IMPG2: variants seen among roughly 807,000 people sequenced by gnomAD.
The protein encoded by IMPG2 is IPM 200.
A neutral mutation model predicts 129.2 loss-of-function variants in IMPG2; 91 were observed. The observed-to-expected ratio is 0.70, with a 90% confidence interval of 0.59 to 0.84. IMPG2 has a LOEUF of 0.84. Among genes scored for constraint, IMPG2 ranks in the 40% least tolerant of loss-of-function variants. The pLI, the probability that IMPG2 is intolerant of heterozygous loss-of-function variation, is 0.00. For synonymous variants in IMPG2, 510 were observed against 517.7 expected (o/e 0.99, Z 0.20); for missense variants, 1,430 against 1,461.7 (o/e 0.98, Z 0.35).
At chr3:101,302,871 G>A (rs1400433269) in intron 3 of IMPG2, among the ~76,000 whole-genome samples, 3 of 152,110 alleles carry the variant, frequency 2.0e-5, no homozygotes, top group East Asian at 1.9e-4. Flanking sequence ...TTATACCCTC[G>A]CAAAATTTGT....
At position 101,228,796 on chromosome 3, in the gene IMPG2, C is replaced by A; in HGVS notation, c.3713+1G>T. 6.2e-7 allele frequency: 1 copy of A among 1,613,084 alleles called. No homozygotes were observed. The highest frequency in any genetic ancestry group is 8.5e-7 in the Non-Finnish European group (1 of 1,179,134). ...GGTGGGGGGCTGTTTCAAAAGCTTA[C>A]ACTTGTTGCTCTCTCACAAAAGCTG... On this transcript the variant is annotated splice_donor_variant, in intron 18 of 18. Transcript: ENST00000193391. LOFTEE classifies it high-confidence loss of function.
chr3:101,290,923 G>A lies in IMPG2; in HGVS notation c.533+556C>T, dbSNP rs554056854. 4.6e-5 allele frequency among the ~76,000 whole-genome samples: 7 copies of A among 152,152 alleles called. 1 individual carries two copies. In the South Asian group the frequency reaches 1.5e-3, roughly 32 times the overall value. Reference sequence around the variant, plus strand: ...GATGCTCCGAGGATGAATAGAATTGGAAAGCTTTAGCCCCTGTAGGCTCAA... The same window carrying A: ...GATGCTCCGAGGATGAATAGAATTGAAAAGCTTTAGCCCCTGTAGGCTCAA... On this transcript the variant is annotated intron_variant, in intron 4 of 18. Transcript: ENST00000193391.
Position 101,320,485 on chromosome 3 carries a change from A to T in IMPG2, c.-113T>A. 1.4e-6 allele frequency: 1 copy of T among 703,920 alleles called. No homozygotes were observed. Among genetic ancestry groups the T allele is most frequent in the Non-Finnish European group, 2.5e-6 (1 of 392,192 alleles). 43.6% of individuals were successfully genotyped at this position (703,920 alleles called of 1,614,324 possible). A position where few individuals can be genotyped will look rare whatever the true frequency, so the allele number is the denominator to read the frequency against. On this transcript the variant is annotated 5_prime_UTR_variant, in exon 1 of 19. Transcript: ENST00000193391. ...GGAAAGACCTAACATTTAAAAGTCT[A>T]TGTTTGAGAATGAACAACCACTTCA...
intron 2 of IMPG2, among the ~76,000 whole-genome samples, chr3:101,314,093 C>G (rs1164461748): frequency 6.6e-6 from 1 of 152,038 alleles, no homozygotes; most frequent in Non-Finnish European, 1.5e-5. Flanking sequence ...ATAACATTGT[C>G]ATTTATTTGG....
chr3:101,270,305 T>A (rs901810749), intron 7 of IMPG2, among the ~76,000 whole-genome samples: 2 of 152,090 alleles, frequency 1.3e-5, no homozygotes, highest in African/African-American at 2.4e-5. Context: ...TTGTTTTCTG[T>A]AAGTGTGAAA....
At chr3:101,275,185 T>C (rs1706827821) in intron 6 of IMPG2, among the ~76,000 whole-genome samples, 1 of 152,204 alleles carries the variant, frequency 6.6e-6, no homozygotes, top group Non-Finnish European at 1.5e-5. Context: ...AACCTGTATG[T>C]ATCTTTTGTG....
chr3:101,268,291 T>G (rs1450001446), intron 8 of IMPG2, among the ~76,000 whole-genome samples: 1 of 152,198 alleles, frequency 6.6e-6, no homozygotes, highest in Admixed American at 6.5e-5. Context: ...CTCCAAAGAC[T>G]GTGTTGCCCT....
At chr3:101,259,895 T>A (rs1317914419) in intron 9 of IMPG2, among the ~76,000 whole-genome samples, 2 of 152,078 alleles carry the variant, frequency 1.3e-5, no homozygotes, top group African/African-American at 4.8e-5. Flanking sequence ...CCCTACAGAT[T>A]TTCTTATGAG....
chr3:101,298,188 A>C (rs559771924), intron 3 of IMPG2, among the ~76,000 whole-genome samples: 2 of 151,870 alleles, frequency 1.3e-5, no homozygotes, highest in East Asian at 3.9e-4. Context: ...TTGTTGGTTT[A>C]AAGTCTGTTT....
chr3:101,315,517 TA>T lies in IMPG2; in HGVS notation c.334+4066del, dbSNP rs202244657. Reference sequence around the variant, plus strand: ...GCACAAAATTATCAAAAATATGGTATAAAATTACTTCAGATAAGTGTATAAG... The same window carrying T: ...GCACAAAATTATCAAAAATATGGTATAAATTACTTCAGATAAGTGTATAAG... On this transcript the variant is annotated intron_variant, in intron 2 of 18. Transcript: ENST00000193391. Among the ~76,000 whole-genome samples, 1,489 of 152,256 alleles carry T rather than the reference TA, an allele frequency of 9.8e-3. 27 individuals are homozygous for T. Among genetic ancestry groups the T allele is most frequent in the African/African-American group, 0.034 (1,408 of 41,556 alleles).
Position 101,320,296 on chromosome 3 carries a change from G to A in IMPG2, c.77C>T (p.Ser26Leu), listed in dbSNP as rs760366534. The A allele has an allele frequency of 6.5e-7, 1 of 1,549,854 alleles. No individual in the cohort carries two copies. The highest frequency in any genetic ancestry group is 8.9e-7 in the Non-Finnish European group (1 of 1,122,428). Reference protein sequence around the residue: ...IFVLIEGDFPSLTAQTYLSIE... With the variant: ...IFVLIEGDFPLLTAQTYLSIE... ...TGTAGATTTTTAAATACCTGTTAAT[G>A]ATGGAAAGTCTCCTTCTATCAGGAC... Residue 26 changes from serine (S) to leucine (L), a missense_variant, in exon 1 of 19, where the codon TCA becomes TTA. Transcript: ENST00000193391.
At chr3:101,296,888 C>T (rs947537241) in intron 3 of IMPG2, among the ~76,000 whole-genome samples, 1 of 152,134 alleles carries the variant, frequency 6.6e-6, no homozygotes, top group Non-Finnish European at 1.5e-5. Context: ...ACAGTATTCT[C>T]TGACGGCAGT....
intron 4 of IMPG2, among the ~76,000 whole-genome samples, chr3:101,280,650 A>AAT (rs1406939820): frequency 1.3e-5 from 2 of 151,836 alleles, no homozygotes; most frequent in Middle Eastern, 3.2e-3. Flanking sequence ...ATTTGCTGAA[A>AAT]ATATATATAT....
At chr3:101,241,272 G>C (rs1226830786) in intron 14 of IMPG2, among the ~76,000 whole-genome samples, 1 of 152,198 alleles carries the variant, frequency 6.6e-6, no homozygotes, top group African/African-American at 2.4e-5. Context: ...TAGACTACAG[G>C]TGAGTCAATG....
chr3:101,256,145 A>AAAGAAAT (rs1553682271), intron 10 of IMPG2, among the ~76,000 whole-genome samples: 1 of 77,538 alleles, frequency 1.3e-5, no homozygotes, highest in Admixed American at 1.5e-4. Flanking sequence ...AGAAAGAAAG[A>AAAGAAAT]AAAGAAAGAA....
chr3:101,257,516 A>T lies in IMPG2; in HGVS notation c.1153+13T>A, dbSNP rs1190562170. ...AAACTATACAAGGACTTCATGATGGATATCAAACTCACCATTGATAAGCTG... is the reference window on the plus strand; with the variant it reads ...AAACTATACAAGGACTTCATGATGGTTATCAAACTCACCATTGATAAGCTG... On this transcript the variant is annotated intron_variant, in intron 10 of 18. Transcript: ENST00000193391. The T allele has an allele frequency of 6.2e-7, 1 of 1,613,030 alleles. No individual in the cohort carries two copies. Among genetic ancestry groups the T allele is most frequent in the Non-Finnish European group, 8.5e-7 (1 of 1,179,278 alleles).
intron 9 of IMPG2, 82 bp from the exon 10 acceptor site, chr3:101,257,855 T>A: frequency 6.7e-7 from 1 of 1,494,814 alleles, no homozygotes; most frequent in South Asian, 1.1e-5. Context: ...AGAACAAACA[T>A]TGGACCTAGA....
chr3:101,264,785 T>C (rs531755587), intron 9 of IMPG2, among the ~76,000 whole-genome samples: 2 of 152,128 alleles, frequency 1.3e-5, no homozygotes, highest in Admixed American at 6.6e-5. Context: ...CATGTGATCT[T>C]ACACGGAGAA....
rs1706457755 is a variant in IMPG2 at position 101,244,752 on chromosome 3, A to C, written c.1579T>G (p.Ser527Ala). 6.2e-7 allele frequency: 1 copy of C among 1,614,072 alleles called. No homozygotes were observed. The highest frequency in any genetic ancestry group is 8.5e-7 in the Non-Finnish European group (1 of 1,179,942). ...GAACTTGAAGGCAATGAATCAATAG[A>C]AAGAAAATCTTCTGACTCTTCAACA... ...ANVEESEDFL[S>A]IDSLPSSSFT... The change falls in exon 13 of 19, where the codon TCT (serine) becomes GCT (alanine). Residue 527 changes from serine to alanine, a missense_variant. Physicochemically the swap from Ser to Ala is moderately conservative, Grantham distance 99 (BLOSUM62 1). Coordinates refer to ENST00000193391, the MANE Select transcript of IMPG2 (RefSeq NM_016247.4).
Sources: gnomAD v4.1 joint callset for allele counts (sites outside exome capture counted in the v4.1 genomes callset) on GRCh38, gnomAD v4.1.1 for gene constraint, MANE v1.5 for transcripts, NCBI Gene and HGNC (gene_info 2026-07-23, HGNC 2026-07-21) for gene names.